NAA35: variants seen among roughly 807,000 people sequenced by gnomAD.
The protein encoded by NAA35 is MAK10 homolog, amino-acid N-acetyltransferase subunit.
Under a neutral mutation model 101.7 loss-of-function variants are expected in NAA35, and 18 were observed. That is an observed-to-expected ratio of 0.18 (90% CI 0.12 to 0.26). The LOEUF (loss-of-function observed/expected upper bound fraction) is 0.26, where lower values mean the gene tolerates loss of function less well. Among genes scored for constraint, NAA35 ranks in the 10% least tolerant of loss-of-function variants. NAA35 has a pLI of 1.00. For missense variants in NAA35, 601 were observed against 886.8 expected (o/e 0.68, Z 4.09); for synonymous variants, 267 against 273.1 (o/e 0.98, Z 0.22).
chr9:85,986,178 A>G (rs1420288817), intron 11 of NAA35, among the ~76,000 whole-genome samples: 1 of 152,202 alleles, frequency 6.6e-6, no homozygotes, highest in Non-Finnish European at 1.5e-5. Flanking sequence ...AGAACTGACA[A>G]ATGGTTTGGG....
At chr9:85,945,533 A>AT (rs898299404) in intron 2 of NAA35, among the ~76,000 whole-genome samples, 217 of 146,214 alleles carry the variant, frequency 1.5e-3, no homozygotes, top group African/African-American at 3.4e-3. Flanking sequence ...GACTCTGGTG[A>AT]TTTTTTTTTT....
chr9:85,978,447 C>T (rs1442003579), intron 11 of NAA35, 66 bp downstream of exon 11: 8 of 1,140,308 alleles, frequency 7.0e-6, no homozygotes, highest in Non-Finnish European at 1.1e-5. Context: ...TAGTGCTTAG[C>T]TTGTACTAAA....
At chr9:85,943,435 G>A (rs911131659) in intron 2 of NAA35, among the ~76,000 whole-genome samples, 1 of 152,138 alleles carries the variant, frequency 6.6e-6, no homozygotes, top group African/African-American at 2.4e-5. Flanking sequence ...ATGATAGGTA[G>A]GGTGTGTTTG....
chr9:85,952,182 A>T lies in NAA35; in HGVS notation c.125-4178A>T, dbSNP rs56080971. Among the ~76,000 whole-genome samples, 27 of 151,932 alleles carry T rather than the reference A, an allele frequency of 1.8e-4. No individual in the cohort carries two copies. The South Asian group carries it at 2.1e-3, about 12-fold the overall frequency. ...AGTGACAGACTCATGTATTTTTTTT[A>T]AAAATGCCACATTCTCAAGTCTGAA... On this transcript the variant is annotated intron_variant, in intron 2 of 22. Transcript: ENST00000361671.
chr9:85,996,474 A>G lies in NAA35; in HGVS notation c.953A>G (p.Lys318Arg). Residue 318 changes from lysine to arginine, a missense_variant, in exon 12 of 23, where the codon AAA (lysine) becomes AGA (arginine). By Grantham distance (26) the Lys-to-Arg change is conservative. Around this residue, in one of 8 missense-constraint regions of NAA35, gnomAD observed 190 missense variants for 223.1 expected, o/e 0.85. Transcript: ENST00000361671. Reference protein sequence around the residue: ...LLPPTFPRYAKIIKREEMVNY... With the variant: ...LLPPTFPRYARIIKREEMVNY... ...CCACCTACCTTCCCTCGATATGCAA[A>G]AATAATTAAAAGGGAAGAAATGGTG... 6.2e-7 allele frequency: 1 copy of G among 1,610,238 alleles called. No individual in the cohort carries two copies. Among genetic ancestry groups the G allele is most frequent in the Non-Finnish European group, 8.5e-7 (1 of 1,178,320 alleles).
At chr9:85,986,584 G>A in intron 11 of NAA35, 3 of 360,640 alleles carry the variant, frequency 8.3e-6, no homozygotes, top group South Asian at 6.3e-5. Context: ...GATCAGAGGT[G>A]TCCAATCTTT....
chr9:85,954,033 A>G (rs759490564), intron 2 of NAA35, among the ~76,000 whole-genome samples: 1 of 152,178 alleles, frequency 6.6e-6, no homozygotes, highest in Non-Finnish European at 1.5e-5. Context: ...TTTTCTGGGT[A>G]TATGCTCAGA....
At position 86,022,574 on chromosome 9, in the gene NAA35, A is replaced by G. The variant is rs1587681596; in HGVS notation, c.*614A>G. Among the ~76,000 whole-genome samples the G allele has an allele frequency of 6.6e-6, 1 of 152,220 alleles. No individual in the cohort carries two copies. Among genetic ancestry groups the G allele is most frequent in the East Asian group, 1.9e-4 (1 of 5,192 alleles). ...ACAGATGTGTAAAAAAAATCCTTTTAGCACTTTTAAAAGATTATACATTGT... is the reference window on the plus strand; with the variant it reads ...ACAGATGTGTAAAAAAAATCCTTTTGGCACTTTTAAAAGATTATACATTGT... On this transcript the variant is annotated 3_prime_UTR_variant, in exon 23 of 23. Transcript: ENST00000361671.
intron 21 of NAA35, among the ~76,000 whole-genome samples, chr9:86,019,225 G>A (rs564519883): frequency 6.6e-6 from 1 of 152,166 alleles, no homozygotes; most frequent in East Asian, 1.9e-4. Flanking sequence ...TTGGGAGGCC[G>A]AGGTGGGTGG....
chr9:85,984,832 G>T (rs189168857), intron 11 of NAA35, among the ~76,000 whole-genome samples: 1 of 152,162 alleles, frequency 6.6e-6, no homozygotes, highest in Non-Finnish European at 1.5e-5. Flanking sequence ...GGAGGATAAA[G>T]TTGGATACTC....
intron 2 of NAA35, among the ~76,000 whole-genome samples, chr9:85,947,259 GA>G (rs1177237612): frequency 1.3e-5 from 2 of 151,970 alleles, no homozygotes; most frequent in Non-Finnish European, 2.9e-5. Context: ...GACTATCATT[GA>G]AATGATTATA....
At chr9:85,950,276 G>A (rs1564285348) in intron 2 of NAA35, among the ~76,000 whole-genome samples, 4 of 152,026 alleles carry the variant, frequency 2.6e-5, no homozygotes, top group African/African-American at 2.4e-5. Context: ...GTGGAGTTTC[G>A]CTCTTTTTGC....
At chr9:85,974,834 C>G in intron 6 of NAA35, 133 bp from the exon 7 acceptor site, 2 of 635,720 alleles carry the variant, frequency 3.1e-6, no homozygotes, top group Non-Finnish European at 5.5e-6. Flanking sequence ...TTTAGACAAG[C>G]AGGATGACCT....
intron 11 of NAA35, among the ~76,000 whole-genome samples, chr9:85,979,925 A>G (rs986885946): frequency 2.6e-5 from 4 of 152,190 alleles, no homozygotes; most frequent in African/African-American, 7.2e-5. Context: ...TTGACGGCTC[A>G]GTCCCCAAGA....
Position 86,019,844 on chromosome 9 carries a change from A to G in NAA35, c.2037+1023A>G, listed in dbSNP as rs377090641. Among the ~76,000 whole-genome samples, 3 of 152,206 alleles carry G rather than the reference A, an allele frequency of 2.0e-5. No individual in the cohort carries two copies. The East Asian group carries it at 5.8e-4, about 29-fold the overall frequency. On this transcript the variant is annotated intron_variant, in intron 21 of 22. Transcript: ENST00000361671. ...GAGACATGAACACATATAGGAAGTG[A>G]GAGTGACGAATATAAGAGTATTCAT...
intron 5 of NAA35, among the ~76,000 whole-genome samples, chr9:85,960,303 T>G (rs189300592): frequency 2.0e-4 from 31 of 152,312 alleles, no homozygotes; most frequent in African/African-American, 5.5e-4. Context: ...GATTTGTATA[T>G]GCTGAATTAT....
At chr9:85,974,170 G>T (rs974064753) in intron 6 of NAA35, among the ~76,000 whole-genome samples, 2 of 152,052 alleles carry the variant, frequency 1.3e-5, no homozygotes, top group African/African-American at 4.8e-5. Context: ...TGTTGGCCAG[G>T]CTGGTCGTGA....
intron 11 of NAA35, among the ~76,000 whole-genome samples, chr9:85,983,219 C>G (rs183952134): frequency 2.6e-5 from 4 of 152,228 alleles, no homozygotes. Flanking sequence ...GTTAAGTAGT[C>G]ATTATTGTGA....
chr9:85,965,758 T>C (rs764198134), intron 6 of NAA35, among the ~76,000 whole-genome samples: 8 of 152,216 alleles, frequency 5.3e-5, no homozygotes, highest in African/African-American at 1.2e-4. Flanking sequence ...TAGTAAAGCA[T>C]GTATATAGCT....
Sources: allele counts gnomAD v4.1 joint callset (sites outside exome capture counted in the v4.1 genomes callset), GRCh38; gene constraint gnomAD v4.1.1; regional missense constraint gnomAD v4.1.1; transcripts MANE v1.5; gene names NCBI Gene and HGNC (gene_info 2026-07-23, HGNC 2026-07-21).